Variants in JAK1 observed in about 807,000 individuals in gnomAD.
JAK1 encodes the protein Janus kinase 1.
JAK1 carries 16 observed loss-of-function variants against 136.6 expected under a neutral mutation model. The observed-to-expected ratio is 0.12, with a 90% CI of 0.08 to 0.18. The LOEUF (loss-of-function observed/expected upper bound fraction) is 0.18, where lower values mean the gene tolerates loss of function less well. Among genes scored for constraint, JAK1 ranks in the 10% least tolerant of loss-of-function variants. The pLI is 1.00. For missense variants in JAK1, 859 were observed against 1,450.1 expected (o/e 0.59, Z 6.62); for synonymous variants, 492 against 519.5 (o/e 0.95, Z 0.72).
rs1013427794 is a variant in JAK1, at chr1:64,925,317, G to A, written c.-77-38976C>T. The stretch of plus-strand genomic sequence containing the variant: ...CAGCTACTTAGGAGTCTGAGGCAGA[G>A]GAATCGCTTGAACCCAGGAAGTGAG... On this transcript the variant is annotated intron_variant, in intron 1 of 24. Transcript: ENST00000342505. Among the ~76,000 whole-genome samples the A allele has an allele frequency of 7.2e-5, 11 of 152,052 alleles. No individual in the cohort carries two copies. In the East Asian group the frequency reaches 7.7e-4, roughly 11 times the overall value.
chr1:64,957,558 C>G (rs1267548922), intron 1 of JAK1, among the ~76,000 whole-genome samples: 4 of 152,234 alleles, frequency 2.6e-5, no homozygotes, highest in South Asian at 4.1e-4. Flanking sequence ...TGCCTGTAAT[C>G]CCAGCACTTT....
chr1:64,833,912 T>C lies in JAK1; in HGVS notation c.*650A>G, dbSNP rs1419645565. ...TATCTATTCCACAGCTATCCCCCCA[T>C]GTAGAACCAGCTTTCTCAAAAATGG... is the stretch of plus-strand genomic sequence containing the variant. On this transcript the variant is annotated 3_prime_UTR_variant, in exon 25 of 25. Coordinates refer to ENST00000342505, the MANE Select transcript of JAK1 (RefSeq NM_002227.4). The C allele has an allele frequency of 3.4e-5, 8 of 232,608 alleles. No homozygotes were observed. Among genetic ancestry groups the C allele is most frequent in the Non-Finnish European group, 6.8e-5 (8 of 117,726 alleles). The allele number at this position is 232,608 out of a possible 1,614,324, so 14.4% of individuals were successfully genotyped here. A position where few individuals can be genotyped will look rare whatever the true frequency, so the allele number is the denominator to read the frequency against.
chr1:64,833,745 A>C lies in JAK1; in HGVS notation c.*817T>G, dbSNP rs1654288186. 4.3e-6 allele frequency: 1 copy of C among 232,716 alleles called. No individual in the cohort carries two copies. Among genetic ancestry groups the C allele is most frequent in the Admixed American group, 5.6e-5 (1 of 17,794 alleles). The allele number at this position is 232,716 out of a possible 1,614,324, so 14.4% of individuals were successfully genotyped here. On this transcript the variant is annotated 3_prime_UTR_variant, in exon 25 of 25. Transcript: ENST00000342505. The stretch of plus-strand genomic sequence containing the variant: ...GGAATAGCTTGCCCCAAAGTGGTAG[A>C]GTTATAAAAGGATATACATTGACGT...
chr1:64,869,261 G>C (rs770317383), intron 6 of JAK1, 50 bp downstream of exon 6: 2 of 1,564,312 alleles, frequency 1.3e-6, no homozygotes, highest in South Asian at 2.2e-5. Flanking sequence ...AGAACATGTA[G>C]AAACACCACC....
At chr1:64,880,839 C>T (rs965082324) in intron 3 of JAK1, among the ~76,000 whole-genome samples, 8 of 151,872 alleles carry the variant, frequency 5.3e-5, no homozygotes, top group African/African-American at 1.2e-4. Context: ...CCCAGCTATT[C>T]GGGAGGCTAA....
intron 2 of JAK1, among the ~76,000 whole-genome samples, chr1:65,030,615 C>A (rs373081725): frequency 6.6e-6 from 1 of 151,998 alleles, no homozygotes; most frequent in African/African-American, 2.4e-5. Flanking sequence ...TCACTGCAAC[C>A]TCCACCTCCC....
intron 1 of JAK1, among the ~76,000 whole-genome samples, chr1:65,061,746 C>G (rs1259024006): frequency 2.6e-5 from 4 of 152,164 alleles, no homozygotes; most frequent in African/African-American, 4.8e-5. Flanking sequence ...CACAAGTACA[C>G]AGAATGTATA....
chr1:65,066,563 G>C (rs1482467784), intron 1 of JAK1: 2 of 151,700 alleles, frequency 1.3e-5, no homozygotes, highest in Non-Finnish European at 2.9e-5. Flanking sequence ...CTGCGTGGCA[G>C]GGTGCAAGCT....
chr1:64,874,482 T>C (rs891860618), intron 4 of JAK1, among the ~76,000 whole-genome samples: 1 of 152,136 alleles, frequency 6.6e-6, no homozygotes, highest in Non-Finnish European at 1.5e-5. Flanking sequence ...CTATTATTAT[T>C]AGCTATGTTT....
intron 1 of JAK1, among the ~76,000 whole-genome samples, chr1:64,902,487 C>T (rs915452802): frequency 6.6e-6 from 1 of 151,214 alleles, no homozygotes; most frequent in Non-Finnish European, 1.5e-5. Context: ...GTACTATGCC[C>T]TGCACAAGGA....
At chr1:64,862,508 T>C (rs760153971) in intron 8 of JAK1, among the ~76,000 whole-genome samples, 11 of 152,176 alleles carry the variant, frequency 7.2e-5, no homozygotes, top group African/African-American at 1.2e-4. Context: ...CAAGTATTTC[T>C]TTCTTCCTGC....
chr1:64,880,958 C>CAAAT (rs34595652), intron 3 of JAK1, among the ~76,000 whole-genome samples: 13,313 of 151,744 alleles, frequency 0.088, 677 homozygotes, highest in Non-Finnish European at 0.11. Flanking sequence ...AACAAACAAA[C>CAAAT]AAATAAATAA....
intron 1 of JAK1, among the ~76,000 whole-genome samples, chr1:64,936,788 A>C (rs1385315966): frequency 6.8e-6 from 1 of 146,204 alleles, no homozygotes; most frequent in Non-Finnish European, 1.5e-5. Context: ...CCATAAATGA[A>C]GAGGCTAAGC....
chr1:65,066,800 A>T (rs1648068056), intron 1 of JAK1: 1 of 152,650 alleles, frequency 6.6e-6, no homozygotes, highest in Admixed American at 6.5e-5. Flanking sequence ...CTCCCGCCGG[A>T]TCCTTCATGT....
intron 1 of JAK1, among the ~76,000 whole-genome samples, chr1:65,057,295 G>A (rs1647590059): frequency 6.6e-6 from 1 of 152,186 alleles, no homozygotes; most frequent in South Asian, 2.1e-4. Context: ...AGGGAAGAGG[G>A]ATAATTGGCA....
chr1:64,954,862 T>C (rs1385392649), intron 1 of JAK1, among the ~76,000 whole-genome samples: 1 of 152,190 alleles, frequency 6.6e-6, no homozygotes, highest in Non-Finnish European at 1.5e-5. Context: ...GGAAACATAA[T>C]GAGTTACAGA....
intron 10 of JAK1, among the ~76,000 whole-genome samples, chr1:64,856,703 C>T (rs998159180): frequency 1.3e-5 from 2 of 152,290 alleles, no homozygotes; most frequent in Non-Finnish European, 2.9e-5. Flanking sequence ...CTCTGAGCCA[C>T]GGAGCCCCGA....
chr1:64,877,579 G>A (rs1183976643), intron 4 of JAK1, among the ~76,000 whole-genome samples: 1 of 151,954 alleles, frequency 6.6e-6, no homozygotes, highest in Non-Finnish European at 1.5e-5. Flanking sequence ...GTAATTTTTG[G>A]GTTAACTCTC....
intron 1 of JAK1, among the ~76,000 whole-genome samples, chr1:64,963,793 G>T (rs1646325210): frequency 6.6e-6 from 1 of 152,114 alleles, no homozygotes; most frequent in South Asian, 2.1e-4. Flanking sequence ...TCCTTACTCA[G>T]TATTCCAAAG....
Sources: gnomAD v4.1 joint callset for allele counts (sites outside exome capture counted in the v4.1 genomes callset) on GRCh38, gnomAD v4.1.1 for gene constraint, MANE v1.5 for transcripts, NCBI Gene and HGNC (gene_info 2026-07-23, HGNC 2026-07-21) for gene names.